Variants in LRRIQ3 observed in about 807,000 individuals in gnomAD.
LRRIQ3 encodes leucine-rich repeat and IQ domain-containing protein 3.
Under a neutral mutation model 59.3 loss-of-function variants are expected in LRRIQ3, and 75 were observed. That is an observed-to-expected ratio of 1.26 (90% CI 1.05 to 1.53). LRRIQ3 has a LOEUF of 1.53. LRRIQ3 is among the 40% of genes most tolerant of loss of function. The pLI, the probability that LRRIQ3 is intolerant of heterozygous loss-of-function variation, is 0.00. For missense variants in LRRIQ3, 831 were observed against 710.0 expected (o/e 1.17, Z -1.94); for synonymous variants, 250 against 231.3 (o/e 1.08, Z -0.73).
intron 4 of LRRIQ3, among the ~76,000 whole-genome samples, chr1:74,138,246 AG>A (rs1647162154): frequency 6.6e-6 from 1 of 151,966 alleles, no homozygotes; most frequent in South Asian, 2.1e-4. Flanking sequence ...TATGGGGTAG[AG>A]GTCAGTACAG....
intron 5 of LRRIQ3, among the ~76,000 whole-genome samples, chr1:74,085,288 C>T (rs1646314992): frequency 6.8e-6 from 1 of 147,704 alleles, no homozygotes; most frequent in East Asian, 2.0e-4. Context: ...TTGAGTGCAT[C>T]CTATGTGCGT....
chr1:74,186,036 T>A (rs1172201345), intron 1 of LRRIQ3, among the ~76,000 whole-genome samples: 2 of 149,860 alleles, frequency 1.3e-5, no homozygotes, highest in African/African-American at 4.9e-5. Context: ...AAATTATATA[T>A]ATGTACACAA....
intron 1 of LRRIQ3, among the ~76,000 whole-genome samples, chr1:74,189,895 A>G (rs995358567): frequency 1.3e-5 from 2 of 152,092 alleles, no homozygotes; most frequent in African/African-American, 4.8e-5. Context: ...AGCAGCATGA[A>G]AACAGACTAA....
At chr1:74,084,714 A>G (rs1340978920) in intron 5 of LRRIQ3, among the ~76,000 whole-genome samples, 1 of 151,752 alleles carries the variant, frequency 6.6e-6, no homozygotes, top group Non-Finnish European at 1.5e-5. Flanking sequence ...ATATATACCA[A>G]GTATTTTACC....
chr1:74,167,241 G>A (rs145079276), intron 3 of LRRIQ3, among the ~76,000 whole-genome samples: 14 of 152,010 alleles, frequency 9.2e-5, no homozygotes, highest in African/African-American at 3.4e-4. Flanking sequence ...TAAAGAAAAT[G>A]TGGTATACAT....
chr1:74,036,196 A>C (rs1298760564), intron 7 of LRRIQ3, among the ~76,000 whole-genome samples: 1 of 152,174 alleles, frequency 6.6e-6, no homozygotes, highest in African/African-American at 2.4e-5. Flanking sequence ...AGCTGAAGGA[A>C]ACTGAGAAAC....
intron 3 of LRRIQ3, among the ~76,000 whole-genome samples, chr1:74,161,279 T>C (rs1444392253): frequency 6.6e-6 from 1 of 152,012 alleles, no homozygotes; most frequent in African/African-American, 2.4e-5. Context: ...ACCATCATAT[T>C]GGAGATTAGA....
chr1:74,067,705 A>G (rs1395100311), intron 6 of LRRIQ3, among the ~76,000 whole-genome samples: 6 of 151,954 alleles, frequency 3.9e-5, no homozygotes, highest in Non-Finnish European at 5.9e-5. Context: ...TAGCAATTTA[A>G]TGGAAGTTAC....
intron 5 of LRRIQ3, among the ~76,000 whole-genome samples, chr1:74,081,412 A>T (rs980285491): frequency 2.0e-5 from 3 of 151,656 alleles, no homozygotes; most frequent in Non-Finnish European, 4.4e-5. Flanking sequence ...TGGAGGCACC[A>T]ATGTGTAAAT....
intron 4 of LRRIQ3, among the ~76,000 whole-genome samples, chr1:74,138,758 A>T (rs960004314): frequency 1.3e-5 from 2 of 151,990 alleles, no homozygotes; most frequent in African/African-American, 4.8e-5. Context: ...ATCACATTTC[A>T]TAACTCCCAG....
At chr1:74,144,549 T>TAAAAAAA in intron 4 of LRRIQ3, 1 of 139,712 alleles carries the variant, frequency 7.2e-6, no homozygotes. Context: ...TAACAGTCTG[T>TAAAAAAA]AAAAAAAAAA....
chr1:74,046,118 A>G (rs993162864), intron 6 of LRRIQ3, among the ~76,000 whole-genome samples: 3 of 152,238 alleles, frequency 2.0e-5, no homozygotes, highest in African/African-American at 7.2e-5. Flanking sequence ...TTTAAAGTTC[A>G]TATGGAACCA....
intron 4 of LRRIQ3, among the ~76,000 whole-genome samples, chr1:74,149,510 T>C (rs934963608): frequency 6.6e-6 from 1 of 152,220 alleles, no homozygotes; most frequent in Non-Finnish European, 1.5e-5. Flanking sequence ...CAATGTGCCT[T>C]TTTAAATTCT....
rs74093612 is a variant in LRRIQ3 at position 74,109,473 on chromosome 1, C to G, written c.788G>C (p.Gly263Ala). Residue 263 changes from glycine to alanine, a missense_variant, in exon 5 of 8, where the codon GGG becomes GCG. Coordinates refer to ENST00000354431, the MANE Select transcript of LRRIQ3 (RefSeq NM_001105659.2). The stretch of plus-strand genomic sequence containing the variant: ...ATCCTTAAGGAGCTTATCTTCATAC[C>G]CTTTGGTTATGTAAATCCATTTTGC... ...YEAKWIYITK[G>A]YEDKLLKDLF... 1.3e-6 allele frequency: 2 copies of G among 1,571,356 alleles called. No individual in the cohort carries two copies. The highest frequency in any genetic ancestry group is 2.3e-5 in the East Asian group (1 of 43,170).
intron 5 of LRRIQ3, among the ~76,000 whole-genome samples, chr1:74,087,008 A>G (rs1441153934): frequency 1.3e-5 from 2 of 152,144 alleles, no homozygotes; most frequent in African/African-American, 4.8e-5. Flanking sequence ...CTTAATTACA[A>G]TTAAATAGCA....
intron 6 of LRRIQ3, among the ~76,000 whole-genome samples, chr1:74,049,035 A>C (rs1344006414): frequency 5.3e-5 from 8 of 152,176 alleles, no homozygotes; most frequent in Non-Finnish European, 1.0e-4. Flanking sequence ...TTTTTAGAGG[A>C]TATCTGATTT....
chr1:74,028,586 A>G (rs1045794703), intron 7 of LRRIQ3, among the ~76,000 whole-genome samples: 3 of 152,048 alleles, frequency 2.0e-5, no homozygotes, highest in African/African-American at 7.2e-5. Flanking sequence ...GGTGATGCCC[A>G]GGGTGTTGAA....
intron 4 of LRRIQ3, among the ~76,000 whole-genome samples, chr1:74,132,758 A>G (rs1271259063): frequency 6.6e-6 from 1 of 152,138 alleles, no homozygotes; most frequent in Non-Finnish European, 1.5e-5. Context: ...AACCATAAAA[A>G]CCCTAGAAGA....
chr1:74,164,466 G>A (rs1648851656), intron 3 of LRRIQ3, among the ~76,000 whole-genome samples: 1 of 151,408 alleles, frequency 6.6e-6, no homozygotes. Flanking sequence ...CAACTTTGCT[G>A]ATGCCTCAAT....
Sources: gnomAD v4.1 joint callset for allele counts (sites outside exome capture counted in the v4.1 genomes callset) on GRCh38, gnomAD v4.1.1 for gene constraint, MANE v1.5 for transcripts, NCBI Gene and HGNC (gene_info 2026-07-23, HGNC 2026-07-21) for gene names.